HMGA2: variants seen among roughly 807,000 people sequenced by gnomAD.
The protein encoded by HMGA2 is high mobility group AT-hook 2.
A neutral mutation model predicts 19.1 loss-of-function variants in HMGA2; 8 were observed. That is an observed-to-expected ratio of 0.42 (90% CI 0.25 to 0.76). HMGA2 has a LOEUF of 0.76. Ranked by LOEUF, HMGA2 falls within the 30% of genes least tolerant of loss-of-function variation. The pLI, the probability that HMGA2 is intolerant of heterozygous loss-of-function variation, is 0.28. For missense variants in HMGA2, 109 were observed against 136.3 expected, an observed-to-expected ratio of 0.80 and a Z score of 1.00; for synonymous variants, 60 against 48.8, an observed-to-expected ratio of 1.23 and a Z score of -0.96.
At chr12:65,856,246 C>G (rs987607255) in intron 3 of HMGA2, 2 of 152,140 alleles carry the variant, frequency 1.3e-5, no homozygotes, top group African/African-American at 2.4e-5. Context: ...CCAAGCAATG[C>G]CAGAACAGTG....
At chr12:65,920,008 G>C (rs1875246358) in intron 3 of HMGA2, among the ~76,000 whole-genome samples, 1 of 152,190 alleles carries the variant, frequency 6.6e-6, no homozygotes, top group South Asian at 2.1e-4. Flanking sequence ...GCTGATGTTT[G>C]GGAGAAAATC....
rs1278766449 is a variant in HMGA2, at chr12:65,825,242, C to T, written c.-29C>T. 12 of 1,511,470 alleles carry T rather than the reference C, an allele frequency of 7.9e-6. No individual in the cohort carries two copies. Among genetic ancestry groups the T allele is most frequent in the Non-Finnish European group, 1.1e-5 (12 of 1,130,938 alleles). 93.6% of individuals were successfully genotyped at this position (1,511,470 alleles called of 1,614,324 possible). ...CGGGGCGGTCGAGGCGAAGCGGCTG[C>T]AGCGGCGGTAGCGGCGGCGGGAGGC... On this transcript the variant is annotated 5_prime_UTR_variant, in exon 1 of 5. Coordinates refer to ENST00000403681, the MANE Select transcript of HMGA2 (RefSeq NM_003483.6). The surrounding 1 kb of genome is among the most constrained non-coding windows in gnomAD (Gnocchi z 4.4).
chr12:65,940,502 TTTC>T (rs1298129832), intron 3 of HMGA2, among the ~76,000 whole-genome samples: 1 of 152,214 alleles, frequency 6.6e-6, no homozygotes, highest in African/African-American at 2.4e-5. Context: ...TTTGGTCATT[TTTC>T]TTCTTAGTGA....
Position 65,936,814 on chromosome 12 carries a change from A to G in HMGA2, c.250-14569A>G, listed in dbSNP as rs569469658. ...ATAGAATTAAGGAAATTGAAGTTTA[A>G]ATTGCTACCAGGTCACACAGCTTAC... On this transcript the variant is annotated intron_variant, in intron 3 of 4. Transcript: ENST00000403681. Among the ~76,000 whole-genome samples the G allele has an allele frequency of 5.3e-5, 8 of 152,318 alleles. No homozygotes were observed. The South Asian group carries it at 1.4e-3, about 28-fold the overall frequency.
chr12:65,874,846 G>A (rs1476637683), intron 3 of HMGA2, among the ~76,000 whole-genome samples: 1 of 152,144 alleles, frequency 6.6e-6, no homozygotes, highest in African/African-American at 2.4e-5. Context: ...TTCCAGTTTG[G>A]TGCTCCATCT....
At chr12:65,952,350 T>C (rs919614670) in intron 4 of HMGA2, 20 of 1,533,552 alleles carry the variant, frequency 1.3e-5, no homozygotes, top group Admixed American at 3.9e-5. Flanking sequence ...CATCCTGTTT[T>C]CTTAGGTCAA....
chr12:65,875,971 G>C (rs1240287828), intron 3 of HMGA2, among the ~76,000 whole-genome samples: 2 of 151,994 alleles, frequency 1.3e-5, no homozygotes, highest in South Asian at 4.1e-4. Context: ...AGTGGTTGGA[G>C]GAAAGAAATG....
intron 3 of HMGA2, among the ~76,000 whole-genome samples, chr12:65,887,697 C>T (rs1207138313): frequency 3.3e-5 from 5 of 150,784 alleles, no homozygotes; most frequent in Non-Finnish European, 7.4e-5. Context: ...CACTCCATCT[C>T]AAAAAGAAAA....
intron 3 of HMGA2, among the ~76,000 whole-genome samples, chr12:65,873,270 G>A (rs1233563872): frequency 1.3e-5 from 2 of 152,200 alleles, no homozygotes; most frequent in African/African-American, 2.4e-5. Context: ...ATGTGTCCAA[G>A]CCATGTGTCT....
intron 3 of HMGA2, among the ~76,000 whole-genome samples, chr12:65,943,341 T>A (rs1435613888): frequency 2.0e-5 from 3 of 152,164 alleles, no homozygotes; most frequent in South Asian, 2.1e-4. Flanking sequence ...TCCAAAGGTG[T>A]CTGAAAGGCA....
chr12:65,867,261 A>G (rs1219102949), intron 3 of HMGA2, among the ~76,000 whole-genome samples: 2 of 152,216 alleles, frequency 1.3e-5, no homozygotes, highest in African/African-American at 4.8e-5. Context: ...AATCTAGCCC[A>G]CTGAGACATC....
intron 3 of HMGA2, among the ~76,000 whole-genome samples, chr12:65,945,408 G>A (rs1242123162): frequency 2.0e-5 from 3 of 152,056 alleles, no homozygotes. Flanking sequence ...CTTGATAATG[G>A]TCATCCTCCT....
intron 3 of HMGA2, among the ~76,000 whole-genome samples, chr12:65,946,135 T>G (rs982603101): frequency 1.6e-4 from 25 of 152,220 alleles, no homozygotes; most frequent in African/African-American, 6.0e-4. Flanking sequence ...TTTATAGAAA[T>G]TAGGGTTTTT....
intron 3 of HMGA2, among the ~76,000 whole-genome samples, chr12:65,921,632 T>G (rs1446396244): frequency 6.6e-6 from 1 of 152,216 alleles, no homozygotes; most frequent in Non-Finnish European, 1.5e-5. Flanking sequence ...AAAAATCTCA[T>G]TTTCTGAGGA....
intron 3 of HMGA2, among the ~76,000 whole-genome samples, chr12:65,938,640 G>T (rs1403164414): frequency 1.3e-5 from 2 of 151,010 alleles, no homozygotes; most frequent in Non-Finnish European, 3.0e-5. Context: ...CCATGACAAC[G>T]TTTTTTTTTA....
intron 3 of HMGA2, among the ~76,000 whole-genome samples, chr12:65,886,657 G>A (rs1372417268): frequency 6.6e-6 from 1 of 152,056 alleles, no homozygotes; most frequent in Non-Finnish European, 1.5e-5. Context: ...ACGCCCGGCG[G>A]GGAGCTTCTT....
chr12:65,856,123 T>C (rs943936720), intron 3 of HMGA2: 3 of 152,188 alleles, frequency 2.0e-5, no homozygotes, highest in African/African-American at 7.2e-5. Context: ...GCAAACTCCT[T>C]TGGGCCTTAC....
intron 3 of HMGA2, among the ~76,000 whole-genome samples, chr12:65,917,158 G>T (rs1022910857): frequency 6.6e-6 from 1 of 152,098 alleles, no homozygotes; most frequent in African/African-American, 2.4e-5. Context: ...GCCCCTGGCT[G>T]AACCCCAGGG....
In HMGA2 at chr12:65,842,897, A is replaced by G. The variant is rs564592904; in HGVS notation, c.249+4328A>G. 131 of 1,230,926 alleles carry G rather than the reference A, an allele frequency of 1.1e-4. 2 individuals are homozygous for G. The South Asian group carries it at 4.2e-3, about 39-fold the overall frequency. 76.3% of individuals were successfully genotyped at this position (1,230,926 alleles called of 1,614,324 possible). A position where few individuals can be genotyped will look rare whatever the true frequency, so the allele number is the denominator to read the frequency against. ...GGGGCTCAGGCTCAAGAATACAATG[A>G]AGTAATAAAGTTGTTAACCTCATGT... On this transcript the variant is annotated intron_variant, in intron 3 of 4. Coordinates refer to ENST00000403681, the MANE Select transcript of HMGA2 (RefSeq NM_003483.6).
Sources: gnomAD v4.1 joint callset for allele counts (sites outside exome capture counted in the v4.1 genomes callset) on GRCh38, gnomAD v4.1.1 for gene constraint, Gnocchi (gnomAD v3.1) non-coding constraint, MANE v1.5 for transcripts, NCBI Gene and HGNC (gene_info 2026-07-23, HGNC 2026-07-21) for gene names.